ZNF444: variants seen among roughly 807,000 people sequenced by gnomAD.
The protein encoded by ZNF444 is endothelial zinc finger protein 2.
Under a neutral mutation model 14.4 loss-of-function variants are expected in ZNF444, and 8 were observed. That is an observed-to-expected ratio of 0.56 (90% confidence interval 0.33 to 1.00). The LOEUF is 1.00. Ranked by LOEUF, ZNF444 falls within the 50% of genes least tolerant of loss-of-function variation. The probability of loss-of-function intolerance (pLI) is 0.03; values close to 1 mark genes in which losing one functional copy is unlikely to be tolerated. For synonymous variants in ZNF444, 258 were observed against 235.9 expected (o/e 1.09, Z -0.86); for missense variants, 510 against 504.8 (o/e 1.01, Z -0.10).
chr19:56,159,935 C>T lies in ZNF444; in HGVS notation c.718C>T (p.Leu240=). 1.3e-6 allele frequency: 2 copies of T among 1,499,634 alleles called. No individual in the cohort carries two copies. The highest frequency in any genetic ancestry group is 1.8e-6 in the Non-Finnish European group (2 of 1,130,820). The allele number at this position is 1,499,634 out of a possible 1,614,324, so 92.9% of individuals were successfully genotyped here. A position where few individuals can be genotyped will look rare whatever the true frequency, so the allele number is the denominator to read the frequency against. ...CAGCCCCGGCAGCCCCGGGCCCGCG[C>T]TGCGCCCTCTGCCCGCCCGTGAGAA... is the stretch of plus-strand genomic sequence containing the variant. The part of the protein sequence containing the change: ...PGSPGSPGPA[L]RPLPAREKPH... The change falls in exon 5 of 5, where the codon CTG becomes TTG. Residue 240 remains leucine, a synonymous_variant. Transcript: ENST00000337080.
Position 56,152,247 on chromosome 19 carries a change from G to A in ZNF444, c.297+5039G>A, listed in dbSNP as rs543919013. ...CTCAGGAAGCTGAGGCAGGAGAATC[G>A]CTTGAACCCAGGAGCTGGAGATTGC... is the stretch of plus-strand genomic sequence containing the variant. On this transcript the variant is annotated intron_variant, in intron 3 of 4. Coordinates refer to ENST00000337080, the MANE Select transcript of ZNF444 (RefSeq NM_018337.4). Among the ~76,000 whole-genome samples the A allele has an allele frequency of 2.6e-5, 4 of 151,336 alleles. No homozygotes were observed. The South Asian group carries it at 8.3e-4, about 32-fold the overall frequency.
Position 56,147,034 on chromosome 19 carries a change from C to T in ZNF444, c.123C>T (p.Leu41=), listed in dbSNP as rs759604654. 2 of 1,535,082 alleles carry T rather than the reference C, an allele frequency of 1.3e-6. No individual in the cohort carries two copies. Among genetic ancestry groups the T allele is most frequent in the Non-Finnish European group, 1.7e-6 (2 of 1,148,402 alleles). ...GCCCGCGGGAGGCGCTGGGGCTGCTCCGCGCCCTGTGCCGGGACTGGCTGC... is the reference window on the plus strand; with the variant it reads ...GCCCGCGGGAGGCGCTGGGGCTGCTTCGCGCCCTGTGCCGGGACTGGCTGC... ...APGPREALGL[L]RALCRDWLRP... The change falls in exon 3 of 5, where the codon CTC becomes CTT. Residue 41 remains leucine, a synonymous_variant. Coordinates refer to ENST00000337080, the MANE Select transcript of ZNF444 (RefSeq NM_018337.4). This position sits in a 1 kb window ranked among gnomAD's most constrained non-coding sequence, Gnocchi z 5.9.
chr19:56,133,619 T>C (rs1173630474), intron 1 of ZNF444, among the ~76,000 whole-genome samples: 1 of 150,828 alleles, frequency 6.6e-6, no homozygotes, highest in Non-Finnish European at 1.5e-5. Context: ...AAGACCATCC[T>C]GGCTAACATG....
chr19:56,159,609 T>A lies in ZNF444; in HGVS notation c.407-15T>A. On this transcript the variant is annotated splice_polypyrimidine_tract_variant and intron_variant, in intron 4 of 4. Transcript: ENST00000337080. ...CTCGTGCCGACCCAGATGCTGACTC[T>A]CTTTCTTTTCCCAGCAGGCACCGCC... 2.1e-6 allele frequency: 3 copies of A among 1,424,142 alleles called. No individual in the cohort carries two copies. Among genetic ancestry groups the A allele is most frequent in the Non-Finnish European group, 2.7e-6 (3 of 1,093,574 alleles). The allele number at this position is 1,424,142 out of a possible 1,614,324, so 88.2% of individuals were successfully genotyped here.
chr19:56,135,494 G>T (rs1318205062), intron 1 of ZNF444, among the ~76,000 whole-genome samples: 1 of 152,034 alleles, frequency 6.6e-6, no homozygotes, highest in Non-Finnish European at 1.5e-5. Flanking sequence ...GAAGGATCCA[G>T]GTTCCTCCGT....
intron 3 of ZNF444, among the ~76,000 whole-genome samples, chr19:56,153,073 CTG>C (rs979427429): frequency 2.0e-5 from 3 of 152,082 alleles, no homozygotes; most frequent in Non-Finnish European, 4.4e-5. Flanking sequence ...GCCTCATGAC[CTG>C]TGTGAGCCAC....
At chr19:56,137,679 A>ATGCTT (rs746493337), upstream of ZNF444, among the ~76,000 whole-genome samples, 4 of 152,282 alleles carry the variant, frequency 2.6e-5, no homozygotes, top group East Asian at 7.7e-4. Context: ...TCTGAGGGCC[A>ATGCTT]TGCTTTTCTA....
intron 1 of ZNF444, among the ~76,000 whole-genome samples, chr19:56,135,520 T>G (rs1412890304): frequency 1.3e-5 from 2 of 151,902 alleles, no homozygotes; most frequent in African/African-American, 4.8e-5. Context: ...CTCCCTTCCA[T>G]CCTAAGTGAG....
chr19:56,134,178 C>T (rs1404973460), intron 1 of ZNF444, among the ~76,000 whole-genome samples: 1 of 152,200 alleles, frequency 6.6e-6, no homozygotes, highest in Admixed American at 6.5e-5. Context: ...AACCCCATCC[C>T]TGCCCTGGGG....
In ZNF444 at chr19:56,158,483, T is replaced by C. The variant is rs1385552201; in HGVS notation, c.298-11T>C. On this transcript the variant is annotated splice_polypyrimidine_tract_variant and intron_variant, in intron 3 of 4. Coordinates refer to ENST00000337080, the MANE Select transcript of ZNF444 (RefSeq NM_018337.4). ...CAGGTTTCTGAGTTCAAAACTGTGC[T>C]CTCATTTCAGGGGCCAGCAGCCTCC... 3 of 1,598,098 alleles carry C rather than the reference T, an allele frequency of 1.9e-6. No homozygotes were observed. Among genetic ancestry groups the C allele is most frequent in the African/African-American group, 1.4e-5 (1 of 74,072 alleles).
rs59180052 is a variant in ZNF444 at position 56,144,423 on chromosome 19, C to G, written c.-196-1824C>G. ...TGCATGGTCTCATGGCCATAGTAAGCAATTTGGGTTTTGAGCATCACAGGA... is the reference window on the plus strand; with the variant it reads ...TGCATGGTCTCATGGCCATAGTAAGGAATTTGGGTTTTGAGCATCACAGGA... On this transcript the variant is annotated intron_variant, in intron 1 of 4. Coordinates refer to ENST00000337080, the MANE Select transcript of ZNF444 (RefSeq NM_018337.4). This position sits in a 1 kb window ranked among gnomAD's most constrained non-coding sequence, Gnocchi z 4.0. Among the ~76,000 whole-genome samples the G allele has an allele frequency of 0.18, 27,487 of 152,036 alleles. 4,307 individuals carry two copies. The highest frequency in any genetic ancestry group is 0.43 in the African/African-American group (17,603 of 41,412).
rs2031130989 is a variant in ZNF444 at position 56,145,653 on chromosome 19, G to C, written c.-196-594G>C. Among the ~76,000 whole-genome samples, 1 of 152,130 alleles carries C rather than the reference G, an allele frequency of 6.6e-6. No individual in the cohort carries two copies. Among genetic ancestry groups the C allele is most frequent in the South Asian group, 2.1e-4 (1 of 4,822 alleles). On this transcript the variant is annotated intron_variant, in intron 1 of 4. Transcript: ENST00000337080. The surrounding 1 kb of genome is among the most constrained non-coding windows in gnomAD (Gnocchi z 4.3). ...TGCCTCTCTCTATTCTACGCCATGG[G>C]AGGACACAAAAGGAGGCCGTCGGCA...
In ZNF444 at chr19:56,146,967, C is replaced by A; in HGVS notation, c.56C>A (p.Pro19Gln). 6.9e-7 allele frequency: 1 copy of A among 1,442,678 alleles called. No individual in the cohort carries two copies. Among genetic ancestry groups the A allele is most frequent in the East Asian group, 2.8e-5 (1 of 35,136 alleles). 89.4% of individuals were successfully genotyped at this position (1,442,678 alleles called of 1,614,324 possible). The change falls in exon 3 of 5, where the codon CCG becomes CAG. Residue 19 changes from proline (P) to glutamine (Q), a missense_variant. Coordinates refer to ENST00000337080, the MANE Select transcript of ZNF444 (RefSeq NM_018337.4). ...QEAEGLALDSPWHRFRRFHLG... is the reference protein window; with the variant it reads ...QEAEGLALDSQWHRFRRFHLG... Reference sequence around the variant, plus strand: ...GCCGAGGGCCTGGCGCTGGACTCCCCGTGGCACCGCTTCCGCCGCTTCCAC... The same window carrying A: ...GCCGAGGGCCTGGCGCTGGACTCCCAGTGGCACCGCTTCCGCCGCTTCCAC...
intron 3 of ZNF444, among the ~76,000 whole-genome samples, chr19:56,148,907 C>G (rs1294245950): frequency 6.6e-6 from 1 of 152,214 alleles, no homozygotes; most frequent in Non-Finnish European, 1.5e-5. Context: ...CGTCCCTTCT[C>G]AAGGCTCTAG....
At chr19:56,132,722 T>C (rs1176818072) in exon 1 of ZNF444, 1 of 152,076 alleles carries the variant, frequency 6.6e-6, no homozygotes, top group Non-Finnish European at 1.5e-5. Context: ...TGCCAGACAT[T>C]GCGAGATACA....
At chr19:56,155,884 G>A (rs1047161038) in intron 3 of ZNF444, 9 of 152,224 alleles carry the variant, frequency 5.9e-5, no homozygotes, top group African/African-American at 1.7e-4. Context: ...TTCCAACATG[G>A]TCTCCCTGGA....
At chr19:56,137,077 C>T (rs551688457), upstream of ZNF444, among the ~76,000 whole-genome samples, 1 of 151,184 alleles carries the variant, frequency 6.6e-6, no homozygotes, top group East Asian at 2.0e-4. Context: ...GCCACTGTGC[C>T]CAGCCGAGAA....
At chr19:56,140,072 T>C (rs2030716224), upstream of ZNF444, among the ~76,000 whole-genome samples, 1 of 152,234 alleles carries the variant, frequency 6.6e-6, no homozygotes, top group Admixed American at 6.5e-5. Flanking sequence ...CACAAAGTTC[T>C]GAGTCAGCCA....
At chr19:56,158,643 G>T in intron 4 of ZNF444, 41 bp downstream of exon 4, 1 of 1,514,710 alleles carries the variant, frequency 6.6e-7, no homozygotes, top group Non-Finnish European at 9.0e-7. Flanking sequence ...CCAGCCCCCA[G>T]CACCGGGGAG....
Sources: allele counts gnomAD v4.1 joint callset (sites outside exome capture counted in the v4.1 genomes callset), GRCh38; gene constraint gnomAD v4.1.1; non-coding constraint Gnocchi (gnomAD v3.1); transcripts MANE v1.5; gene names NCBI Gene and HGNC (gene_info 2026-07-23, HGNC 2026-07-21).